Variants in TMBIM4 observed in about 807,000 individuals in gnomAD.
The protein encoded by TMBIM4 is transmembrane BAX inhibitor motif containing 4, also known as protein lifeguard 4.
In TMBIM4, 28 loss-of-function variants were observed where a neutral mutation model predicts 27.7. That is an observed-to-expected ratio of 1.01 (90% CI 0.75 to 1.38). The LOEUF (loss-of-function observed/expected upper bound fraction) is 1.38, where lower values mean the gene tolerates loss of function less well. Ranked by LOEUF, TMBIM4 falls within the 40% of genes most tolerant of loss-of-function variation. The pLI is 0.00. For synonymous variants in TMBIM4, 115 were observed against 113.1 expected (o/e 1.02, Z -0.11); for missense variants, 265 against 277.5 (o/e 0.95, Z 0.32).
At chr12:66,166,464 C>CAAAAAAA (rs59822799) in intron 1 of TMBIM4, among the ~76,000 whole-genome samples, 15 of 100,566 alleles carry the variant, frequency 1.5e-4, no homozygotes, top group African/African-American at 3.0e-4. Flanking sequence ...TACTTTGTCT[C>CAAAAAAA]AAAAAAAAAA....
chr12:66,137,864 A>G lies in TMBIM4; in HGVS notation c.*96T>C. 1.1e-6 allele frequency: 1 copy of G among 912,834 alleles called. No homozygotes were observed. The highest frequency in any genetic ancestry group is 1.7e-6 in the Non-Finnish European group (1 of 597,484). 56.5% of individuals were successfully genotyped at this position (912,834 alleles called of 1,614,324 possible). A position where few individuals can be genotyped will look rare whatever the true frequency, so the allele number is the denominator to read the frequency against. ...TCATTGTTTCAAACTTTATTACTTAATGAAACAGTTTCTATATACTGCTTC... is the reference window on the plus strand; with the variant it reads ...TCATTGTTTCAAACTTTATTACTTAGTGAAACAGTTTCTATATACTGCTTC... On this transcript the variant is annotated 3_prime_UTR_variant, in exon 7 of 7. Transcript: ENST00000358230.
In TMBIM4 at chr12:66,140,693, C is replaced by T. The variant is rs1305200268; in HGVS notation, c.465-1924G>A. Among the ~76,000 whole-genome samples the T allele has an allele frequency of 2.6e-5, 4 of 152,170 alleles. No individual in the cohort carries two copies. In the East Asian group the frequency reaches 5.8e-4, roughly 22 times the overall value. ...GAGGGATCACTTGAACCCAGGAGTT[C>T]GAGTCCAGCCTAGGCAACACAGCAA... On this transcript the variant is annotated intron_variant, in intron 5 of 6. Transcript: ENST00000358230.
intron 5 of TMBIM4, 138 bp downstream of exon 5, chr12:66,145,703 G>A (rs2051739973): frequency 1.9e-6 from 1 of 529,022 alleles, no homozygotes; most frequent in African/African-American, 1.9e-5. Context: ...CCTGGCCCTA[G>A]TACTCAAAGA....
In TMBIM4 at chr12:66,137,809, G is replaced by T; in HGVS notation, c.*151C>A. The T allele has an allele frequency of 1.6e-6, 1 of 622,570 alleles. No homozygotes were observed. The highest frequency in any genetic ancestry group is 2.7e-6 in the Non-Finnish European group (1 of 364,820). 38.6% of individuals were successfully genotyped at this position (622,570 alleles called of 1,614,324 possible). ...TTTTAAAGCTCTCAAAATTACATAT[G>T]ATACAAATAAAGATTGTAACAGTAT... is the stretch of plus-strand genomic sequence containing the variant. On this transcript the variant is annotated 3_prime_UTR_variant, in exon 7 of 7. Coordinates refer to ENST00000358230, the MANE Select transcript of TMBIM4 (RefSeq NM_016056.4).
rs1258404423 is a variant in TMBIM4 at position 66,137,208 on chromosome 12, A to G, written c.*752T>C. 1 of 152,136 alleles carries G rather than the reference A, an allele frequency of 6.6e-6. No homozygotes were observed. Among genetic ancestry groups the G allele is most frequent in the African/African-American group, 2.4e-5 (1 of 41,428 alleles). The allele number at this position is 152,136 out of a possible 1,614,324, so 9.4% of individuals were successfully genotyped here. A position where few individuals can be genotyped will look rare whatever the true frequency, so the allele number is the denominator to read the frequency against. Reference sequence around the variant, plus strand: ...TTACATTTTTTTCCTTTTAAGCAAAAAGAGATTTACAGTTTATAATGGTAA... The same window carrying G: ...TTACATTTTTTTCCTTTTAAGCAAAGAGAGATTTACAGTTTATAATGGTAA... On this transcript the variant is annotated 3_prime_UTR_variant, in exon 7 of 7. Coordinates refer to ENST00000358230, the MANE Select transcript of TMBIM4 (RefSeq NM_016056.4).
chr12:66,157,169 C>G (rs2051950319), intron 1 of TMBIM4, among the ~76,000 whole-genome samples: 1 of 152,088 alleles, frequency 6.6e-6, no homozygotes, highest in Non-Finnish European at 1.5e-5. Context: ...TTACATCCAA[C>G]TATCATCTAA....
chr12:66,157,049 T>A (rs1402581885), intron 1 of TMBIM4, among the ~76,000 whole-genome samples: 1 of 152,190 alleles, frequency 6.6e-6, no homozygotes, highest in Non-Finnish European at 1.5e-5. Flanking sequence ...TTTTTCCTAA[T>A]AGCCCCCTCA....
At chr12:66,149,533 A>G (rs1473164906) in intron 3 of TMBIM4, among the ~76,000 whole-genome samples, 2 of 152,012 alleles carry the variant, frequency 1.3e-5, no homozygotes, top group African/African-American at 4.8e-5. Context: ...ATTTATGACA[A>G]GATTTTAGGA....
Position 66,152,382 on chromosome 12 carries a change from A to G in TMBIM4, c.207-6T>C. 1 of 1,594,662 alleles carries G rather than the reference A, an allele frequency of 6.3e-7. No individual in the cohort carries two copies. Among genetic ancestry groups the G allele is most frequent in the East Asian group, 2.3e-5 (1 of 44,156 alleles). On this transcript the variant is annotated splice_region_variant and splice_polypyrimidine_tract_variant and intron_variant, in intron 2 of 6. Coordinates refer to ENST00000358230, the MANE Select transcript of TMBIM4 (RefSeq NM_016056.4). ...ACAGCAAAATTAAGGCAGGACTGAA[A>G]GACATAATATTAAGTGTTTCAAGTT...
At chr12:66,147,351 T>A (rs2051767881) in intron 4 of TMBIM4, among the ~76,000 whole-genome samples, 1 of 152,168 alleles carries the variant, frequency 6.6e-6, no homozygotes, top group Non-Finnish European at 1.5e-5. Context: ...GAATTTCTAT[T>A]CTTAATTTAC....
intron 1 of TMBIM4, chr12:66,160,196 T>C: frequency 2.8e-6 from 2 of 703,492 alleles, no homozygotes; most frequent in Non-Finnish European, 5.2e-6. Context: ...TCACCATCCC[T>C]GATCTACCAG....
At chr12:66,150,084 A>G (rs542551706) in intron 3 of TMBIM4, among the ~76,000 whole-genome samples, 4 of 152,358 alleles carry the variant, frequency 2.6e-5, no homozygotes, top group South Asian at 2.1e-4. Context: ...TATCTTGCCT[A>G]TAAGCATTTG....
At chr12:66,158,597 G>A (rs987797126) in intron 1 of TMBIM4, among the ~76,000 whole-genome samples, 1 of 150,026 alleles carries the variant, frequency 6.7e-6, no homozygotes. Flanking sequence ...AGTGAGCGGA[G>A]ATCACACCAC....
Position 66,160,301 on chromosome 12 carries a change from G to A in TMBIM4, c.98-6853C>T, listed in dbSNP as rs183132142. On this transcript the variant is annotated intron_variant, in intron 1 of 6. Coordinates refer to ENST00000358230, the MANE Select transcript of TMBIM4 (RefSeq NM_016056.4). ...GTTTGCTGAAGGTACAATCTCTCTGGAGAACTGATTAAATCAATCAAATTT... is the reference window on the plus strand; with the variant it reads ...GTTTGCTGAAGGTACAATCTCTCTGAAGAACTGATTAAATCAATCAAATTT... The A allele has an allele frequency of 5.7e-6, 4 of 696,558 alleles. No individual in the cohort carries two copies. In the Admixed American group the frequency reaches 8.2e-5, roughly 14 times the overall value. The allele number at this position is 696,558 out of a possible 1,614,324, so 43.1% of individuals were successfully genotyped here. A position where few individuals can be genotyped will look rare whatever the true frequency, so the allele number is the denominator to read the frequency against.
intron 4 of TMBIM4, among the ~76,000 whole-genome samples, chr12:66,146,194 A>G (rs1431199327): frequency 1.3e-5 from 2 of 152,188 alleles, no homozygotes; most frequent in East Asian, 3.8e-4. Flanking sequence ...ATTATTACCA[A>G]GTTAATGAAA....
intron 5 of TMBIM4, among the ~76,000 whole-genome samples, chr12:66,144,184 T>C (rs1592536471): frequency 6.6e-6 from 1 of 152,118 alleles, no homozygotes; most frequent in Non-Finnish European, 1.5e-5. Context: ...CTGGTTGTAG[T>C]AATACAGGTA....
At chr12:66,152,117 T>C (rs1178087501) in intron 3 of TMBIM4, among the ~76,000 whole-genome samples, 154 bp downstream of exon 3, 1 of 152,134 alleles carries the variant, frequency 6.6e-6, no homozygotes, top group African/African-American at 2.4e-5. Context: ...CTGTTAAAAG[T>C]TTTAAAAGAC....
At chr12:66,169,640 C>A (rs916928214) in intron 1 of TMBIM4, 5 of 459,188 alleles carry the variant, frequency 1.1e-5, no homozygotes, top group African/African-American at 8.2e-5. Context: ...GCCTGGCGCC[C>A]TCCCACACCC....
chr12:66,169,537 A>C (rs556967531), intron 1 of TMBIM4: 118 of 479,686 alleles, frequency 2.5e-4, no homozygotes, highest in Admixed American at 8.8e-4. Flanking sequence ...AAGATGCCAA[A>C]TTCAGGCTGC....
Sources: gnomAD v4.1 joint callset for allele counts (sites outside exome capture counted in the v4.1 genomes callset) on GRCh38, gnomAD v4.1.1 for gene constraint, MANE v1.5 for transcripts, NCBI Gene and HGNC (gene_info 2026-07-23, HGNC 2026-07-21) for gene names.